Variants in FAM120A observed in about 807,000 individuals in gnomAD.
FAM120A encodes constitutive coactivator of PPAR-gamma-like protein 1.
A neutral mutation model predicts 109.7 loss-of-function variants in FAM120A; 15 were observed. The ratio of observed to expected loss-of-function variants is 0.14; its 90% CI spans 0.09 to 0.21. The LOEUF is 0.21. FAM120A is among the 10% of genes least tolerant of loss of function. FAM120A has a pLI of 1.00. For synonymous variants in FAM120A, 493 were observed against 572.8 expected (o/e 0.86, Z 1.99); for missense variants, 899 against 1,439.3 (o/e 0.62, Z 6.07).
At chr9:93,527,060 A>G in intron 7 of FAM120A, 95 bp from the exon 8 acceptor site, 6 of 875,942 alleles carry the variant, frequency 6.8e-6, no homozygotes, top group Middle Eastern at 2.2e-4. Context: ...AAGTATTGTT[A>G]TTATGAGCCT....
At chr9:93,455,124 T>G (rs1327120793) in intron 1 of FAM120A, among the ~76,000 whole-genome samples, 1 of 152,226 alleles carries the variant, frequency 6.6e-6, no homozygotes, top group African/African-American at 2.4e-5. Flanking sequence ...AGCCCAAACG[T>G]GGAAACAAAG....
intron 10 of FAM120A, among the ~76,000 whole-genome samples, chr9:93,542,009 A>G (rs1861719564): frequency 6.6e-6 from 1 of 152,252 alleles, no homozygotes; most frequent in Non-Finnish European, 1.5e-5. Flanking sequence ...CCAGTAATAC[A>G]TTTAACTCTG....
intron 7 of FAM120A, among the ~76,000 whole-genome samples, chr9:93,520,405 C>T (rs188244736): frequency 6.6e-6 from 1 of 152,226 alleles, no homozygotes; most frequent in Non-Finnish European, 1.5e-5. Context: ...GGGAAGCAGC[C>T]ATCAAGAAAC....
chr9:93,553,661 G>T (rs1564359364), intron 12 of FAM120A, among the ~76,000 whole-genome samples: 1 of 152,322 alleles, frequency 6.6e-6, no homozygotes, highest in South Asian at 2.1e-4. Flanking sequence ...AGAGAATGAA[G>T]TTAGAATGTG....
intron 11 of FAM120A, among the ~76,000 whole-genome samples, chr9:93,548,262 C>T (rs1026930859): frequency 6.6e-6 from 1 of 152,104 alleles, no homozygotes; most frequent in African/African-American, 2.4e-5. Context: ...CGCCACCACG[C>T]CCGGCTAATT....
intron 5 of FAM120A, among the ~76,000 whole-genome samples, chr9:93,510,915 T>C (rs1278039008): frequency 6.6e-6 from 1 of 151,538 alleles, no homozygotes; most frequent in Non-Finnish European, 1.5e-5. Flanking sequence ...CCGTATCTCG[T>C]GATGTCTACC....
chr9:93,512,046 C>A (rs760485312), intron 5 of FAM120A, among the ~76,000 whole-genome samples: 3 of 152,240 alleles, frequency 2.0e-5, no homozygotes, highest in Non-Finnish European at 4.4e-5. Flanking sequence ...CCTGCCTTGG[C>A]CTCCCAAAGT....
chr9:93,517,700 A>G (rs1860659565), intron 7 of FAM120A, among the ~76,000 whole-genome samples: 1 of 152,202 alleles, frequency 6.6e-6, no homozygotes, highest in South Asian at 2.1e-4. Context: ...CATGCTAGTG[A>G]TGGAGATGTG....
In FAM120A at chr9:93,550,564, T is replaced by C. The variant is rs761189524; in HGVS notation, c.2160-13T>C. 1.2e-6 allele frequency: 2 copies of C among 1,608,408 alleles called. No individual in the cohort carries two copies. The highest frequency in any genetic ancestry group is 2.2e-5 in the South Asian group (2 of 91,006). On this transcript the variant is annotated splice_polypyrimidine_tract_variant and intron_variant, in intron 11 of 17. Transcript: ENST00000277165. Reference sequence around the variant, plus strand: ...TCAGTAATCACCAACCTTTTGTTTCTGCCCCTCACCAGGTACATGGTGCAG... The same window carrying C: ...TCAGTAATCACCAACCTTTTGTTTCCGCCCCTCACCAGGTACATGGTGCAG...
At chr9:93,467,911 C>T (rs886194039) in intron 1 of FAM120A, among the ~76,000 whole-genome samples, 15 of 151,232 alleles carry the variant, frequency 9.9e-5, no homozygotes, top group Middle Eastern at 6.8e-3. Flanking sequence ...GACGGAGTTT[C>T]GCTCTTGTCG....
chr9:93,504,537 C>A (rs1370653992), intron 5 of FAM120A, among the ~76,000 whole-genome samples: 2 of 152,076 alleles, frequency 1.3e-5, no homozygotes, highest in Admixed American at 1.3e-4. Flanking sequence ...TAAATAGTTT[C>A]ATTTTGTTTG....
At chr9:93,534,078 C>T (rs570703501) in intron 10 of FAM120A, among the ~76,000 whole-genome samples, 1 of 152,282 alleles carries the variant, frequency 6.6e-6, no homozygotes, top group South Asian at 2.1e-4. Flanking sequence ...GTCTTGACCT[C>T]GTGCCTGCTG....
intron 1 of FAM120A, among the ~76,000 whole-genome samples, chr9:93,468,526 A>T (rs1360255361): frequency 6.6e-6 from 1 of 152,218 alleles, no homozygotes; most frequent in Non-Finnish European, 1.5e-5. Context: ...CTTTTAAAAG[A>T]GGATTTTTAA....
intron 12 of FAM120A, among the ~76,000 whole-genome samples, chr9:93,555,133 T>A (rs1484984373): frequency 6.6e-6 from 1 of 152,154 alleles, no homozygotes; most frequent in Non-Finnish European, 1.5e-5. Context: ...CACATAAATA[T>A]AAAAATGCAT....
At chr9:93,466,023 C>CAT (rs1268956038) in intron 1 of FAM120A, among the ~76,000 whole-genome samples, 2 of 152,162 alleles carry the variant, frequency 1.3e-5, no homozygotes, top group Admixed American at 1.3e-4. Context: ...CCCCACATGG[C>CAT]ACGTGGCATT....
chr9:93,519,974 C>T (rs1399930873), intron 7 of FAM120A, among the ~76,000 whole-genome samples: 4 of 152,088 alleles, frequency 2.6e-5, no homozygotes, highest in Non-Finnish European at 4.4e-5. Flanking sequence ...CTCCTGGGCT[C>T]AGGTGATCCT....
At chr9:93,519,714 C>T (rs1207528970) in intron 7 of FAM120A, among the ~76,000 whole-genome samples, 5 of 152,114 alleles carry the variant, frequency 3.3e-5, no homozygotes, top group African/African-American at 1.2e-4. Context: ...TAATGTGGGA[C>T]ACCCTGCAAA....
At chr9:93,539,961 C>T (rs984024279) in intron 10 of FAM120A, among the ~76,000 whole-genome samples, 5 of 152,232 alleles carry the variant, frequency 3.3e-5, no homozygotes, top group African/African-American at 7.2e-5. Context: ...TCTTCATAAG[C>T]ACTAATTTGT....
chr9:93,461,754 T>C (rs10761226), intron 1 of FAM120A, among the ~76,000 whole-genome samples: 52,864 of 152,038 alleles, frequency 0.35, 10,384 homozygotes, highest in South Asian at 0.65. Flanking sequence ...TCTGAAATGC[T>C]CCAAAATTCA....
Sources: allele counts gnomAD v4.1 joint callset (sites outside exome capture counted in the v4.1 genomes callset), GRCh38; gene constraint gnomAD v4.1.1; transcripts MANE v1.5; gene names NCBI Gene and HGNC (gene_info 2026-07-23, HGNC 2026-07-21).